SPAG16: variants seen among roughly 807,000 people sequenced by gnomAD.
SPAG16 encodes the protein sperm-associated antigen 16 protein.
A neutral mutation model predicts 80.4 loss-of-function variants in SPAG16; 86 were observed. The ratio of observed to expected loss-of-function variants is 1.07; its 90% CI spans 0.90 to 1.28. The LOEUF is 1.28. Among genes scored for constraint, SPAG16 ranks in the 50% most tolerant of loss-of-function variants. The pLI, the probability that SPAG16 is intolerant of heterozygous loss-of-function variation, is 0.00. For missense variants in SPAG16, 870 were observed against 765.3 expected (o/e 1.14, Z -1.61); for synonymous variants, 294 against 265.9 (o/e 1.11, Z -1.03).
intron 14 of SPAG16, among the ~76,000 whole-genome samples, chr2:214,132,026 C>T (rs1256719742): frequency 6.6e-6 from 1 of 152,084 alleles, no homozygotes; most frequent in Admixed American, 6.6e-5. Flanking sequence ...AGATGCTATG[C>T]ATGTGTAGGG....
intron 12 of SPAG16, among the ~76,000 whole-genome samples, chr2:213,942,633 T>A (rs2079258571): frequency 6.6e-6 from 1 of 152,200 alleles, no homozygotes; most frequent in South Asian, 2.1e-4. Flanking sequence ...CTGTGATATC[T>A]TATTTTCCAC....
intron 15 of SPAG16, among the ~76,000 whole-genome samples, chr2:214,381,538 G>A (rs1700447655): frequency 6.6e-6 from 1 of 152,170 alleles, no homozygotes; most frequent in South Asian, 2.1e-4. Context: ...AGCATGTTTG[G>A]CAAAGTTTGG....
chr2:213,807,554 A>G (rs1290191823), intron 10 of SPAG16, among the ~76,000 whole-genome samples: 1 of 152,154 alleles, frequency 6.6e-6, no homozygotes, highest in Non-Finnish European at 1.5e-5. Context: ...GCTAGGCACA[A>G]TGTTTTACCT....
chr2:213,439,996 TAAATG>T (rs1391087467), intron 9 of SPAG16, among the ~76,000 whole-genome samples: 1 of 152,196 alleles, frequency 6.6e-6, no homozygotes, highest in Non-Finnish European at 1.5e-5. Flanking sequence ...ATTTTATAAA[TAAATG>T]GAGAAATCCA....
intron 9 of SPAG16, among the ~76,000 whole-genome samples, chr2:213,411,538 A>G (rs1170980295): frequency 6.6e-6 from 1 of 152,208 alleles, no homozygotes; most frequent in Non-Finnish European, 1.5e-5. Context: ...TTAAAACTCA[A>G]TGTTGTATCT....
At chr2:213,612,427 C>T (rs908333953) in intron 10 of SPAG16, among the ~76,000 whole-genome samples, 2 of 152,122 alleles carry the variant, frequency 1.3e-5, no homozygotes, top group African/African-American at 4.8e-5. Context: ...TGAGCCAAGA[C>T]ACCACGCTGA....
intron 15 of SPAG16, among the ~76,000 whole-genome samples, chr2:214,172,217 G>C (rs1445087871): frequency 6.6e-6 from 1 of 151,834 alleles, no homozygotes; most frequent in Non-Finnish European, 1.5e-5. Flanking sequence ...TTAGCATTAG[G>C]TATATCTCCT....
intron 10 of SPAG16, among the ~76,000 whole-genome samples, chr2:213,558,086 T>C (rs1349669376): frequency 6.6e-6 from 1 of 152,170 alleles, no homozygotes; most frequent in African/African-American, 2.4e-5. Flanking sequence ...AATGAATACT[T>C]TATAAATCTT....
At chr2:213,655,504 A>G (rs532614250) in intron 10 of SPAG16, among the ~76,000 whole-genome samples, 5 of 152,378 alleles carry the variant, frequency 3.3e-5, no homozygotes, top group East Asian at 1.9e-4. Context: ...ATTGATTTAC[A>G]TATGTATAAC....
chr2:214,387,833 G>A (rs1168761751), intron 15 of SPAG16, among the ~76,000 whole-genome samples: 3 of 152,090 alleles, frequency 2.0e-5, no homozygotes, highest in African/African-American at 7.2e-5. Flanking sequence ...ACAGGATGGG[G>A]GAGCCACCCT....
At chr2:214,210,837 G>T (rs531601581) in intron 15 of SPAG16, among the ~76,000 whole-genome samples, 1 of 147,570 alleles carries the variant, frequency 6.8e-6, no homozygotes, top group Non-Finnish European at 1.5e-5. Context: ...ACATGCGCGC[G>T]CGCACACACA....
chr2:214,222,434 T>C (rs994778929), intron 15 of SPAG16, among the ~76,000 whole-genome samples: 4 of 152,138 alleles, frequency 2.6e-5, no homozygotes, highest in East Asian at 1.9e-4. Flanking sequence ...CTTGAGCACA[T>C]TGTAGTAAAA....
intron 12 of SPAG16, among the ~76,000 whole-genome samples, chr2:213,949,799 C>T (rs555129014): frequency 6.6e-6 from 1 of 152,138 alleles, no homozygotes; most frequent in African/African-American, 2.4e-5. Flanking sequence ...TGCTTGTGAA[C>T]CTACATGCTG....
At chr2:213,730,626 G>T (rs1423257803) in intron 10 of SPAG16, among the ~76,000 whole-genome samples, 1 of 152,002 alleles carries the variant, frequency 6.6e-6, no homozygotes, top group Non-Finnish European at 1.5e-5. Flanking sequence ...ATATTTTTCT[G>T]TCTTTGGTTT....
At chr2:213,416,546 G>GTT (rs1480038020) in intron 9 of SPAG16, among the ~76,000 whole-genome samples, 7,360 of 103,212 alleles carry the variant, frequency 0.071, 576 homozygotes, top group African/African-American at 0.18. Context: ...TACTTGACTT[G>GTT]TTTTTTCTTT....
At chr2:214,391,726 A>G (rs1176897565) in intron 15 of SPAG16, among the ~76,000 whole-genome samples, 2 of 152,200 alleles carry the variant, frequency 1.3e-5, no homozygotes, top group African/African-American at 2.4e-5. Flanking sequence ...AATTTCCACC[A>G]CTGAGCTCCC....
At chr2:214,380,137 A>G (rs368700171) in intron 15 of SPAG16, among the ~76,000 whole-genome samples, 26 of 152,220 alleles carry the variant, frequency 1.7e-4, no homozygotes, top group Admixed American at 1.7e-3. Context: ...GATTTATGTC[A>G]TTATTCAAGA....
chr2:213,767,678 C>CACAT (rs959551873), intron 10 of SPAG16, among the ~76,000 whole-genome samples: 2 of 150,622 alleles, frequency 1.3e-5, no homozygotes, highest in Non-Finnish European at 3.0e-5. Context: ...CACACACACA[C>CACAT]AAAATCAGAT....
intron 14 of SPAG16, among the ~76,000 whole-genome samples, chr2:214,110,773 T>C (rs2053624755): frequency 6.6e-6 from 1 of 152,208 alleles, no homozygotes; most frequent in Admixed American, 6.5e-5. Context: ...AGCATTCCTA[T>C]TTCTCCACAT....
Sources: allele counts gnomAD v4.1 joint callset (sites outside exome capture counted in the v4.1 genomes callset), GRCh38; gene constraint gnomAD v4.1.1; transcripts MANE v1.5; gene names NCBI Gene and HGNC (gene_info 2026-07-23, HGNC 2026-07-21).